The following ADIPOR2 variants were observed in gnomAD, a reference collection of about 807,000 sequenced individuals.
ADIPOR2 encodes adiponectin receptor 2.
In ADIPOR2, 18 loss-of-function variants were observed where a neutral mutation model predicts 40.9. The ratio of observed to expected loss-of-function variants is 0.44; its 90% CI spans 0.30 to 0.65. ADIPOR2 has a LOEUF of 0.65. ADIPOR2 is among the 30% of genes least tolerant of loss of function. ADIPOR2 has a pLI of 0.09. For synonymous variants in ADIPOR2, 165 were observed against 166.4 expected (o/e 0.99, Z 0.06); for missense variants, 283 against 479.2 (o/e 0.59, Z 3.82).
At chr12:1,761,221 G>A (rs754246680) in intron 2 of ADIPOR2, among the ~76,000 whole-genome samples, 31 of 152,156 alleles carry the variant, frequency 2.0e-4, no homozygotes, top group Non-Finnish European at 2.4e-4. Context: ...CATATTTCCT[G>A]TGGATGGGGG....
At chr12:1,750,056 C>T (rs1298847835) in intron 1 of ADIPOR2, among the ~76,000 whole-genome samples, 1 of 151,546 alleles carries the variant, frequency 6.6e-6, no homozygotes. Flanking sequence ...TGGTCTCAAA[C>T]TCCTGGTCTT....
intron 1 of ADIPOR2, among the ~76,000 whole-genome samples, chr12:1,712,817 G>A (rs1219072291): frequency 6.6e-6 from 1 of 152,152 alleles, no homozygotes; most frequent in African/African-American, 2.4e-5. Context: ...GGATAAGCCA[G>A]TATAGGCTGT....
chr12:1,694,122 T>C (rs1035632191), intron 1 of ADIPOR2, among the ~76,000 whole-genome samples: 2 of 152,250 alleles, frequency 1.3e-5, no homozygotes, highest in Non-Finnish European at 2.9e-5. Flanking sequence ...TACTATGATT[T>C]CTGTTTTACA....
intron 2 of ADIPOR2, among the ~76,000 whole-genome samples, chr12:1,764,558 A>AAC (rs59660682): frequency 0.44 from 52,042 of 118,792 alleles, 10,519 homozygotes; most frequent in Non-Finnish European, 0.54. Flanking sequence ...TAAAGTATTA[A>AAC]ACACACACAC....
chr12:1,787,148 C>T lies in ADIPOR2; in HGVS notation c.*1076C>T, dbSNP rs1296802374. 12 of 152,252 alleles carry T rather than the reference C, an allele frequency of 7.9e-5. No homozygotes were observed. 9.4% of individuals were successfully genotyped at this position (152,252 alleles called of 1,614,324 possible). ...ATTAAAAATCACTGCCCTAACTACA[C>T]TTCCTCCTTGAGGGAATAGAAATGG... On this transcript the variant is annotated 3_prime_UTR_variant, in exon 8 of 8. Coordinates refer to ENST00000357103, the MANE Select transcript of ADIPOR2 (RefSeq NM_024551.3).
intron 1 of ADIPOR2, among the ~76,000 whole-genome samples, chr12:1,735,979 C>T (rs974956323): frequency 3.9e-5 from 6 of 152,168 alleles, no homozygotes; most frequent in African/African-American, 1.2e-4. Context: ...TTTTGATGTG[C>T]TGCTGGATTC....
intron 1 of ADIPOR2, among the ~76,000 whole-genome samples, chr12:1,694,068 C>T (rs11061925): frequency 0.28 from 43,105 of 151,986 alleles, 6,744 homozygotes; most frequent in Admixed American, 0.45. Context: ...CACTACTTTA[C>T]GTGTATGAAA....
At chr12:1,711,076 A>C (rs1247656679) in intron 1 of ADIPOR2, among the ~76,000 whole-genome samples, 1 of 152,090 alleles carries the variant, frequency 6.6e-6, no homozygotes, top group African/African-American at 2.4e-5. Flanking sequence ...ACTATCCCTC[A>C]CTGGTTAGTG....
intron 3 of ADIPOR2, among the ~76,000 whole-genome samples, chr12:1,775,486 T>TGCATATATAACCAATAAGAAACTC (rs1358550022): frequency 6.6e-6 from 1 of 152,220 alleles, no homozygotes; most frequent in East Asian, 1.9e-4. Flanking sequence ...TGAAATTATA[T>TGCATATATAACCAATAAGAAACTC]GCATATATAA....
At chr12:1,693,362 A>G (rs1303237234) in intron 1 of ADIPOR2, among the ~76,000 whole-genome samples, 2 of 152,156 alleles carry the variant, frequency 1.3e-5, no homozygotes, top group African/African-American at 4.8e-5. Context: ...TACATAGTCA[A>G]TGTTGAAAAT....
intron 1 of ADIPOR2, among the ~76,000 whole-genome samples, chr12:1,719,982 T>C (rs879764834): frequency 6.6e-6 from 1 of 152,136 alleles, no homozygotes; most frequent in Non-Finnish European, 1.5e-5. Context: ...TGTCCTCTTT[T>C]CATCCCAGAC....
intron 1 of ADIPOR2, chr12:1,697,101 C>T (rs1194219302): frequency 6.6e-6 from 1 of 152,234 alleles, no homozygotes; most frequent in Non-Finnish European, 1.5e-5. Flanking sequence ...TTATGAATTT[C>T]TGCCAATCTG....
intron 1 of ADIPOR2, among the ~76,000 whole-genome samples, chr12:1,732,246 G>A (rs763163423): frequency 5.3e-5 from 8 of 152,162 alleles, no homozygotes; most frequent in Non-Finnish European, 1.0e-4. Context: ...TTTGACACAT[G>A]TATGAAAGGT....
rs559394259 is a variant in ADIPOR2 at position 1,753,470 on chromosome 12, C to T, written c.-86-788C>T. 9.2e-5 allele frequency among the ~76,000 whole-genome samples: 14 copies of T among 152,276 alleles called. No individual in the cohort carries two copies. In the East Asian group the frequency reaches 1.9e-3, roughly 21 times the overall value. ...CAAATATTCATTAAACATTTGTGTG[C>T]GTAGCACTTTCTGGGAACCCAGATG... is the stretch of plus-strand genomic sequence containing the variant. On this transcript the variant is annotated intron_variant, in intron 1 of 7. Transcript: ENST00000357103.
chr12:1,691,818 G>C (rs2094627728), intron 1 of ADIPOR2, among the ~76,000 whole-genome samples: 1 of 152,156 alleles, frequency 6.6e-6, no homozygotes, highest in Non-Finnish European at 1.5e-5. Context: ...CTCGGAGAGA[G>C]TTTGGGTTGG....
At chr12:1,782,935 TTTC>T (rs370003647) in intron 6 of ADIPOR2, among the ~76,000 whole-genome samples, 188 of 151,350 alleles carry the variant, frequency 1.2e-3, no homozygotes, top group African/African-American at 3.9e-3. Context: ...GATTAAATTT[TTTC>T]TTCTTTTTTC....
chr12:1,730,671 G>C (rs1453795280), intron 1 of ADIPOR2: 1 of 149,788 alleles, frequency 6.7e-6, no homozygotes, highest in African/African-American at 2.4e-5. Flanking sequence ...TTCTACTTTA[G>C]TAGAAACCAG....
chr12:1,710,308 C>T (rs2094673683), intron 1 of ADIPOR2, among the ~76,000 whole-genome samples: 1 of 152,170 alleles, frequency 6.6e-6, no homozygotes, highest in African/African-American at 2.4e-5. Context: ...AATCTTGCTG[C>T]TGCTCACTCT....
intron 2 of ADIPOR2, chr12:1,760,734 G>A (rs1396240519): frequency 1.3e-5 from 2 of 152,208 alleles, no homozygotes; most frequent in African/African-American, 4.8e-5. Context: ...TTCACATTCT[G>A]TGGTTTCAGT....
Sources: gnomAD v4.1 joint callset for allele counts (sites outside exome capture counted in the v4.1 genomes callset) on GRCh38, gnomAD v4.1.1 for gene constraint, MANE v1.5 for transcripts, NCBI Gene and HGNC (gene_info 2026-07-23, HGNC 2026-07-21) for gene names.